The following FRZB variants were observed in gnomAD, a reference collection of about 807,000 sequenced individuals.
FRZB encodes frizzled related protein.
A neutral mutation model predicts 32.5 loss-of-function variants in FRZB; 34 were observed. The observed-to-expected ratio is 1.05, with a 90% CI of 0.80 to 1.39. The LOEUF (loss-of-function observed/expected upper bound fraction) is 1.39. Ranked by LOEUF, FRZB falls within the 40% of genes most tolerant of loss-of-function variation. The pLI is 0.00. For missense variants in FRZB, 423 were observed against 424.8 expected (o/e 1.00, Z 0.04); for synonymous variants, 170 against 159.2 (o/e 1.07, Z -0.51).
intron 2 of FRZB, among the ~76,000 whole-genome samples, chr2:182,854,396 G>A (rs1695744977): frequency 6.6e-6 from 1 of 152,130 alleles, no homozygotes; most frequent in South Asian, 2.1e-4. Context: ...CGTAATACAA[G>A]CATAACAGGA....
chr2:182,835,161 G>A (rs539328113), intron 5 of FRZB, among the ~76,000 whole-genome samples, 196 bp from the exon 6 acceptor site: 4 of 152,070 alleles, frequency 2.6e-5, no homozygotes, highest in Admixed American at 6.5e-5. Context: ...TTTAACAAGC[G>A]CAACATCTAT....
chr2:182,841,228 T>C (rs2105753429), intron 3 of FRZB, among the ~76,000 whole-genome samples: 1 of 152,182 alleles, frequency 6.6e-6, no homozygotes. Flanking sequence ...AGAAATTAAT[T>C]CCATTGAAGA....
chr2:182,837,427 G>A (rs536098930), intron 5 of FRZB, among the ~76,000 whole-genome samples: 1 of 151,910 alleles, frequency 6.6e-6, no homozygotes, highest in Non-Finnish European at 1.5e-5. Flanking sequence ...ACTGCAGTTT[G>A]TTCAAAGAAG....
rs531435920 is a variant in FRZB, at chr2:182,856,313, A to G, written c.526+2473T>C. On this transcript the variant is annotated intron_variant, in intron 2 of 5. Coordinates refer to ENST00000295113, the MANE Select transcript of FRZB (RefSeq NM_001463.4). Reference sequence around the variant, plus strand: ...TTAAAAGATATGTAATTGTTAAAAGAAAAAATATAAAATTATCTCATGAGG... The same window carrying G: ...TTAAAAGATATGTAATTGTTAAAAGGAAAAATATAAAATTATCTCATGAGG... Among the ~76,000 whole-genome samples, 10 of 152,138 alleles carry G rather than the reference A, an allele frequency of 6.6e-5. No individual in the cohort carries two copies. The East Asian group carries it at 1.7e-3, about 26-fold the overall frequency.
intron 2 of FRZB, among the ~76,000 whole-genome samples, chr2:182,847,213 T>C (rs1293857848): frequency 6.6e-6 from 1 of 152,178 alleles, no homozygotes; most frequent in Non-Finnish European, 1.5e-5. Flanking sequence ...TAAGAACATA[T>C]AACTTAATGA....
chr2:182,834,619 T>C lies in FRZB; in HGVS notation c.*230A>G. The C allele has an allele frequency of 2.0e-6, 1 of 493,496 alleles. No homozygotes were observed. Among genetic ancestry groups the C allele is most frequent in the Non-Finnish European group, 3.6e-6 (1 of 276,170 alleles). 30.6% of individuals were successfully genotyped at this position (493,496 alleles called of 1,614,324 possible). A position where few individuals can be genotyped will look rare whatever the true frequency, so the allele number is the denominator to read the frequency against. ...ACAGTTTTTCTCATGATTAGTGAAA[T>C]AGAAAACTCACAATATACTTAAGAG... On this transcript the variant is annotated 3_prime_UTR_variant, in exon 6 of 6. Coordinates refer to ENST00000295113, the MANE Select transcript of FRZB (RefSeq NM_001463.4).
intron 2 of FRZB, among the ~76,000 whole-genome samples, chr2:182,854,205 A>AGAGT (rs1695741243): frequency 6.6e-6 from 1 of 152,148 alleles, no homozygotes; most frequent in Non-Finnish European, 1.5e-5. Flanking sequence ...TTGGTTGCAG[A>AGAGT]GAGTGGTTAC....
At chr2:182,860,327 T>C (rs760013220) in intron 1 of FRZB, among the ~76,000 whole-genome samples, 3 of 152,072 alleles carry the variant, frequency 2.0e-5, no homozygotes, top group Non-Finnish European at 4.4e-5. Context: ...TGAAAATATA[T>C]ATTATTAGTA....
intron 2 of FRZB, among the ~76,000 whole-genome samples, chr2:182,855,207 C>T (rs1260639824): frequency 4.6e-5 from 7 of 152,038 alleles, no homozygotes; most frequent in Admixed American, 4.6e-4. Flanking sequence ...CAGCATTTTC[C>T]ATATAACTTT....
Position 182,833,905 on chromosome 2 carries a change from T to C in FRZB, c.*944A>G, listed in dbSNP as rs1370314983. The C allele has an allele frequency of 1.3e-5, 2 of 152,132 alleles. No homozygotes were observed. Among genetic ancestry groups the C allele is most frequent in the African/African-American group, 4.8e-5 (2 of 41,444 alleles). The allele number at this position is 152,132 out of a possible 1,614,324, so 9.4% of individuals were successfully genotyped here. On this transcript the variant is annotated 3_prime_UTR_variant, in exon 6 of 6. Coordinates refer to ENST00000295113, the MANE Select transcript of FRZB (RefSeq NM_001463.4). ...CACTCTGTAATCTACAGCATTTTTA[T>C]GGAGCCATGTACTTTTAAAAACTAA...
chr2:182,862,749 G>A (rs1272409065), intron 1 of FRZB, among the ~76,000 whole-genome samples: 9 of 148,910 alleles, frequency 6.0e-5, no homozygotes, highest in Non-Finnish European at 8.9e-5. Context: ...TTTATATGCT[G>A]TTTAATTTCT....
Position 182,835,442 on chromosome 2 carries a change from A to G in FRZB, c.862-477T>C, listed in dbSNP as rs184390284. Among the ~76,000 whole-genome samples, 688 of 150,444 alleles carry G rather than the reference A, an allele frequency of 4.6e-3. 4 individuals carry two copies. Among genetic ancestry groups the G allele is most frequent in the South Asian group, 0.013 (64 of 4,770 alleles). On this transcript the variant is annotated intron_variant, in intron 5 of 5. Transcript: ENST00000295113. ...TGAAAAAAAAATGGAAATTTTTTTG[A>G]GGGATGGGGGGGTCTCAAAAATATT...
At chr2:182,837,528 A>G (rs901606899) in intron 5 of FRZB, among the ~76,000 whole-genome samples, 10 of 151,890 alleles carry the variant, frequency 6.6e-5, no homozygotes, top group Non-Finnish European at 1.0e-4. Context: ...AATCCCTTTT[A>G]CCTCCTCTTT....
At chr2:182,837,863 C>T in intron 5 of FRZB, 85 bp downstream of exon 5, 1 of 965,094 alleles carries the variant, frequency 1.0e-6, no homozygotes. Flanking sequence ...TTGAAGGCAG[C>T]TATTTCATTT....
chr2:182,864,910 GA>G (rs951616380), intron 1 of FRZB, among the ~76,000 whole-genome samples: 14 of 151,916 alleles, frequency 9.2e-5, no homozygotes, highest in African/African-American at 2.2e-4. Context: ...GACCACTCAT[GA>G]AAAAAAATTG....
At chr2:182,865,086 T>C (rs1695876150) in intron 1 of FRZB, among the ~76,000 whole-genome samples, 1 of 152,180 alleles carries the variant, frequency 6.6e-6, no homozygotes. Context: ...CAACTTGTGA[T>C]TGACTCCATT....
At chr2:182,865,784 T>C (rs868592661) in intron 1 of FRZB, among the ~76,000 whole-genome samples, 16 of 152,232 alleles carry the variant, frequency 1.1e-4, no homozygotes, top group African/African-American at 3.6e-4. Flanking sequence ...GAAGGATTCC[T>C]GTGGAGTAGA....
At chr2:182,849,175 T>C (rs1389854652) in intron 2 of FRZB, among the ~76,000 whole-genome samples, 3 of 151,606 alleles carry the variant, frequency 2.0e-5, no homozygotes, top group South Asian at 2.1e-4. Context: ...TGCAGTGAGC[T>C]GAGATCGCGC....
chr2:182,837,482 G>T (rs1695540360), intron 5 of FRZB, among the ~76,000 whole-genome samples: 1 of 151,450 alleles, frequency 6.6e-6, no homozygotes, highest in Non-Finnish European at 1.5e-5. Flanking sequence ...AGCCTGTTTT[G>T]CAGCTAAGTA....
Sources: allele counts gnomAD v4.1 joint callset (sites outside exome capture counted in the v4.1 genomes callset), GRCh38; gene constraint gnomAD v4.1.1; transcripts MANE v1.5; gene names NCBI Gene and HGNC (gene_info 2026-07-23, HGNC 2026-07-21).